The following MYO9A variants were observed in gnomAD, a reference collection of about 807,000 sequenced individuals.
MYO9A encodes myosin IXA.
Under a neutral mutation model 293.3 loss-of-function variants are expected in MYO9A, and 103 were observed. That is an observed-to-expected ratio of 0.35 (90% CI 0.30 to 0.41). The LOEUF is 0.41. Among genes scored for constraint, MYO9A ranks in the 10% least tolerant of loss-of-function variants. The pLI is 1.00. For missense variants in MYO9A, 2,685 were observed against 3,033.0 expected (o/e 0.89, Z 2.69); for synonymous variants, 1,001 against 1,035.7 (o/e 0.97, Z 0.64).
At chr15:72,077,646 G>A (rs917959334) in intron 1 of MYO9A, among the ~76,000 whole-genome samples, 16 of 150,850 alleles carry the variant, frequency 1.1e-4, no homozygotes, top group East Asian at 9.8e-4. Flanking sequence ...GCAGGGTGGC[G>A]GGGGGCGGCG....
chr15:72,076,073 G>A (rs2079341532), intron 1 of MYO9A, among the ~76,000 whole-genome samples: 1 of 151,976 alleles, frequency 6.6e-6, no homozygotes, highest in Admixed American at 6.5e-5. Flanking sequence ...CGAGGCTAAG[G>A]TGGGCAGATC....
At chr15:71,905,480 T>A (rs1173232272) in intron 19 of MYO9A, among the ~76,000 whole-genome samples, 1 of 152,060 alleles carries the variant, frequency 6.6e-6, no homozygotes, top group Non-Finnish European at 1.5e-5. Context: ...GGCTAGAAAT[T>A]TATCAACTTT....
chr15:71,973,331 G>T (rs2076059844), intron 12 of MYO9A, among the ~76,000 whole-genome samples: 1 of 152,118 alleles, frequency 6.6e-6, no homozygotes, highest in African/African-American at 2.4e-5. Flanking sequence ...TAGTGTGAAG[G>T]AATAGTTCCA....
chr15:71,861,106 A>G (rs143012831), intron 33 of MYO9A, among the ~76,000 whole-genome samples: 215 of 152,130 alleles, frequency 1.4e-3, no homozygotes, highest in Non-Finnish European at 2.9e-3. Context: ...GGTCAAATAC[A>G]TTACAAACTA....
rs2055779459 is a variant in MYO9A at position 71,854,373 on chromosome 15, T to C, written c.6346+4A>G. The C allele has an allele frequency of 1.3e-6, 2 of 1,534,370 alleles. No homozygotes were observed. Among genetic ancestry groups the C allele is most frequent in the Non-Finnish European group, 1.7e-6 (2 of 1,144,498 alleles). ...TCATTATGATTTAGAGGGCACTATCTTACCTGTATCTAGACCCTGCCGAAG... is the reference window on the plus strand; with the variant it reads ...TCATTATGATTTAGAGGGCACTATCCTACCTGTATCTAGACCCTGCCGAAG... On this transcript the variant is annotated splice_donor_region_variant and intron_variant, in intron 35 of 41. Transcript: ENST00000356056.
At chr15:71,843,605 C>G (rs2055260727) in intron 39 of MYO9A, among the ~76,000 whole-genome samples, 1 of 152,188 alleles carries the variant, frequency 6.6e-6, no homozygotes. Flanking sequence ...CCTCCCACCT[C>G]AGCCTTCCAA....
intron 2 of MYO9A, among the ~76,000 whole-genome samples, chr15:72,043,133 T>C (rs2078276270): frequency 6.6e-6 from 1 of 151,874 alleles, no homozygotes; most frequent in Admixed American, 6.6e-5. Context: ...TTGCAGAAGA[T>C]AAGGTCAACG....
Position 71,994,541 on chromosome 15 carries a change from G to C in MYO9A, c.1515C>G (p.Ala505=). ...TTCGAAAAACTATCCAGTCAAACAGGGCACTATACAGAGACTTAGCCATGG... is the reference window on the plus strand; with the variant it reads ...TTCGAAAAACTATCCAGTCAAACAGCGCACTATACAGAGACTTAGCCATGG... ...RNSMAKSLYS[A]LFDWIVFRIN... The change falls in exon 10 of 42, where the codon GCC becomes GCG. Residue 505 remains alanine (A), a synonymous_variant. Coordinates refer to ENST00000356056, the MANE Select transcript of MYO9A (RefSeq NM_006901.4). 1.2e-6 allele frequency: 2 copies of C among 1,610,738 alleles called. No homozygotes were observed. Among genetic ancestry groups the C allele is most frequent in the South Asian group, 1.1e-5 (1 of 90,096 alleles).
chr15:71,869,288 C>A (rs555929309), intron 32 of MYO9A, among the ~76,000 whole-genome samples: 1 of 152,194 alleles, frequency 6.6e-6, no homozygotes, highest in South Asian at 2.1e-4. Flanking sequence ...AAATAGATAT[C>A]ATATATCTCC....
chr15:72,059,443 A>C (rs556595876), intron 1 of MYO9A, among the ~76,000 whole-genome samples: 10 of 152,322 alleles, frequency 6.6e-5, no homozygotes, highest in South Asian at 2.1e-4. Flanking sequence ...CTTCACTGAA[A>C]ATCTGCACAA....
At chr15:71,996,249 T>C (rs1414177254) in intron 9 of MYO9A, among the ~76,000 whole-genome samples, 1 of 152,194 alleles carries the variant, frequency 6.6e-6, no homozygotes. Context: ...AATAAGCATA[T>C]AAACATTATC....
rs558282168 is a variant in MYO9A, at chr15:72,038,986, T to C, written c.841-6398A>G. On this transcript the variant is annotated intron_variant, in intron 2 of 41. Transcript: ENST00000356056. ...CCTATAAGATAGATATAAGTAGATA[T>C]ATATCTATATAAAGGGAGAGTGAAA... Among the ~76,000 whole-genome samples, 5 of 152,198 alleles carry C rather than the reference T, an allele frequency of 3.3e-5. No individual in the cohort carries two copies. In the South Asian group the frequency reaches 1.0e-3, roughly 32 times the overall value.
intron 34 of MYO9A, among the ~76,000 whole-genome samples, chr15:71,856,971 A>G (rs1052871014): frequency 6.6e-5 from 10 of 152,330 alleles, no homozygotes; most frequent in African/African-American, 2.2e-4. Flanking sequence ...TACGTCAAAT[A>G]CTGAAAAAAT....
intron 1 of MYO9A, among the ~76,000 whole-genome samples, chr15:72,076,147 T>C (rs60035176): frequency 0.063 from 9,531 of 151,994 alleles, 337 homozygotes; most frequent in Middle Eastern, 0.085. Context: ...CTACTAAAAA[T>C]ACCAAAAATT....
chr15:72,113,268 G>A (rs560652439), intron 1 of MYO9A, among the ~76,000 whole-genome samples: 244 of 152,246 alleles, frequency 1.6e-3, no homozygotes, highest in Middle Eastern at 6.8e-3. Context: ...AATCTGAAAA[G>A]AGGTAAAGGA....
At chr15:71,970,238 T>C (rs1300435937) in intron 12 of MYO9A, among the ~76,000 whole-genome samples, 6 of 152,196 alleles carry the variant, frequency 3.9e-5, no homozygotes, top group African/African-American at 1.4e-4. Context: ...CCTAACATCC[T>C]ATTCATATGT....
intron 13 of MYO9A, among the ~76,000 whole-genome samples, chr15:71,962,343 G>A (rs1437274135): frequency 6.6e-6 from 1 of 152,154 alleles, no homozygotes; most frequent in Non-Finnish European, 1.5e-5. Context: ...CTATCCTCAT[G>A]TACAGAAGTC....
chr15:71,909,863 G>C (rs1464160234), intron 19 of MYO9A, among the ~76,000 whole-genome samples: 1 of 152,036 alleles, frequency 6.6e-6, no homozygotes, highest in African/African-American at 2.4e-5. Flanking sequence ...GCTTGGCACA[G>C]TGTCACATGC....
intron 12 of MYO9A, among the ~76,000 whole-genome samples, chr15:71,976,214 G>C (rs936503768): frequency 4.3e-4 from 65 of 152,086 alleles, no homozygotes; most frequent in African/African-American, 1.5e-3. Flanking sequence ...TTATTAGTGG[G>C]GAAAAAACCC....
Sources: gnomAD v4.1 joint callset for allele counts (sites outside exome capture counted in the v4.1 genomes callset) on GRCh38, gnomAD v4.1.1 for gene constraint, MANE v1.5 for transcripts, NCBI Gene and HGNC (gene_info 2026-07-23, HGNC 2026-07-21) for gene names.